The following MTCL1 variants were observed in gnomAD, a reference collection of about 807,000 sequenced individuals.
MTCL1 encodes microtubule crosslinking factor 1, also known as microtubule cross-linking factor 1.
In MTCL1, 79 loss-of-function variants were observed where a neutral mutation model predicts 141.4. The observed-to-expected ratio is 0.56, with a 90% confidence interval of 0.47 to 0.67. The LOEUF is 0.67. MTCL1 is among the 30% of genes least tolerant of loss of function. MTCL1 has a pLI of 0.00. For synonymous variants in MTCL1, 914 were observed against 875.8 expected (o/e 1.04, Z -0.77); for missense variants, 2,177 against 2,113.9 (o/e 1.03, Z -0.59).
At chr18:8,717,788 G>A (rs2096139186) in intron 1 of MTCL1, 3 of 530,030 alleles carry the variant, frequency 5.7e-6, no homozygotes, top group Non-Finnish European at 7.3e-6. Context: ...CTGTATTCAG[G>A]GTGCATTCCT....
At chr18:8,747,438 T>C (rs1263727301) in intron 4 of MTCL1, among the ~76,000 whole-genome samples, 1 of 152,222 alleles carries the variant, frequency 6.6e-6, no homozygotes, top group Admixed American at 6.5e-5. Flanking sequence ...GTTCCATGCC[T>C]GGTGCTTTGC....
Position 8,786,110 on chromosome 18 carries a change from T to TCCCCCGCCC in MTCL1, c.1887+24_1887+25insGCCCCCCCC. Reference sequence around the variant, plus strand: ...CCTGGAGGTCAGCGTGGGCAAGCAATCCCCCCCCCCCGCCCTCCCCCTCCT... The same window carrying TCCCCCGCCC: ...CCTGGAGGTCAGCGTGGGCAAGCAATCCCCCGCCCCCCCCCCCCCCGCCCTCCCCCTCCT... On this transcript the variant is annotated intron_variant, in intron 7 of 16. Coordinates refer to ENST00000359865, the Ensembl canonical transcript of MTCL1. 1 of 1,310,348 alleles carries TCCCCCGCCC rather than the reference T, an allele frequency of 7.6e-7. No individual in the cohort carries two copies. The highest frequency in any genetic ancestry group is 1.3e-5 in the South Asian group (1 of 77,210). The allele number at this position is 1,310,348 out of a possible 1,614,324, so 81.2% of individuals were successfully genotyped here.
chr18:8,789,320 G>T (rs2075636395), intron 7 of MTCL1: 3 of 796,640 alleles, frequency 3.8e-6, no homozygotes, highest in East Asian at 1.3e-4. Flanking sequence ...TGCAAAACTG[G>T]CCAGGACAAA....
intron 4 of MTCL1, among the ~76,000 whole-genome samples, chr18:8,746,212 C>G (rs930364550): frequency 6.6e-6 from 1 of 152,210 alleles, no homozygotes; most frequent in African/African-American, 2.4e-5. Context: ...ATACAAATGT[C>G]TGTTCAAGTC....
At chr18:8,812,797 C>A in intron 11 of MTCL1, 182 bp from the exon 11 acceptor site, 1 of 711,336 alleles carries the variant, frequency 1.4e-6, no homozygotes. Context: ...GCTTAACATT[C>A]TTTGTGACTG....
chr18:8,759,129 T>C (rs1373373550), intron 4 of MTCL1, among the ~76,000 whole-genome samples: 1 of 152,238 alleles, frequency 6.6e-6, no homozygotes, highest in Non-Finnish European at 1.5e-5. Flanking sequence ...AGTCTTCGTG[T>C]GGAAAGACTT....
chr18:8,725,855 T>C (rs935291697), intron 4 of MTCL1, among the ~76,000 whole-genome samples: 25 of 141,074 alleles, frequency 1.8e-4, no homozygotes, highest in Non-Finnish European at 3.6e-4. Context: ...AGTGGCACGA[T>C]CTCGGCTCAC....
exon 11 of MTCL1, chr18:8,806,946 C>A (rs774011471): frequency 1.2e-6 from 2 of 1,613,648 alleles, no homozygotes; most frequent in Non-Finnish European, 1.7e-6. Context: ...TGGAGGACTT[C>A]CGTGCGGAGC....
intron 4 of MTCL1, among the ~76,000 whole-genome samples, chr18:8,742,755 T>C (rs2096311769): frequency 1.3e-5 from 2 of 152,244 alleles, no homozygotes; most frequent in Admixed American, 6.5e-5. Flanking sequence ...TTAGTACTTC[T>C]GAATTTCTTA....
Position 8,800,912 on chromosome 18 carries a change from T to TAGA in MTCL1, c.2436+2622_2436+2623insGAA, listed in dbSNP as rs1555665021. On this transcript the variant is annotated intron_variant, in intron 10 of 16. Transcript: ENST00000359865. ...ATTATCATTTAGTAAAACAACTAAG[T>TAGA]AAAAAAAAAAAAAAGTGTGAAGAAC... is the stretch of plus-strand genomic sequence containing the variant. 4 of 145,862 alleles carry TAGA rather than the reference T, an allele frequency of 2.7e-5. No individual in the cohort carries two copies. The East Asian group carries it at 6.0e-4, about 22-fold the overall frequency. 9.0% of individuals were successfully genotyped at this position (145,862 alleles called of 1,614,324 possible).
intron 6 of MTCL1, 78 bp downstream of exon 5, chr18:8,784,921 C>T (rs934072692): frequency 2.3e-6 from 3 of 1,277,306 alleles, no homozygotes; most frequent in Admixed American, 2.3e-5. Flanking sequence ...CACTCGGGCT[C>T]ACGCTGCTCA....
intron 7 of MTCL1, chr18:8,789,840 G>A (rs1197721004): frequency 2.9e-6 from 1 of 345,594 alleles, no homozygotes; most frequent in African/African-American, 2.2e-5. Context: ...TTCTCCAAAT[G>A]TATGTGGTTG....
intron 10 of MTCL1, among the ~76,000 whole-genome samples, chr18:8,799,165 A>C (rs534375846): frequency 3.2e-4 from 49 of 152,174 alleles, no homozygotes; most frequent in African/African-American, 1.2e-3. Context: ...ACTCTGGGGC[A>C]CTCCCTCTGC....
chr18:8,808,022 A>G (rs1183652490), intron 11 of MTCL1, among the ~76,000 whole-genome samples: 1 of 151,864 alleles, frequency 6.6e-6, no homozygotes, highest in East Asian at 1.9e-4. Flanking sequence ...AAAAAAAAAA[A>G]ACTCCAGCTC....
chr18:8,808,111 G>T (rs914784739), intron 11 of MTCL1, among the ~76,000 whole-genome samples: 4 of 152,198 alleles, frequency 2.6e-5, no homozygotes, highest in Non-Finnish European at 5.9e-5. Flanking sequence ...CCTGGGTGGG[G>T]CAGGGACACA....
intron 9 of MTCL1, among the ~76,000 whole-genome samples, chr18:8,797,685 T>C (rs1055688117): frequency 6.6e-6 from 1 of 152,232 alleles, no homozygotes; most frequent in African/African-American, 2.4e-5. Flanking sequence ...TTCCTCAGAG[T>C]GAAGAAAGTC....
intron 6 of MTCL1, among the ~76,000 whole-genome samples, chr18:8,785,077 T>C (rs2143572115): frequency 6.6e-6 from 1 of 151,640 alleles, no homozygotes; most frequent in East Asian, 2.0e-4. Context: ...CTTTCTCCTG[T>C]CTTATTTTTA....
chr18:8,795,303 A>G (rs1039723504), intron 8 of MTCL1, among the ~76,000 whole-genome samples: 3 of 152,206 alleles, frequency 2.0e-5, no homozygotes, highest in African/African-American at 7.2e-5. Context: ...GGTTTTTGGC[A>G]TAAGAGAGAG....
At chr18:8,821,410 A>T in intron 13 of MTCL1, 57 bp from the exon 13 acceptor site, 3 of 1,122,310 alleles carry the variant, frequency 2.7e-6, no homozygotes, top group Non-Finnish European at 2.7e-6. Flanking sequence ...AAGTACATTC[A>T]GGGCTTCTGG....
Sources: allele counts gnomAD v4.1 joint callset (sites outside exome capture counted in the v4.1 genomes callset), GRCh38; gene constraint gnomAD v4.1.1; transcripts MANE v1.5; gene names NCBI Gene and HGNC (gene_info 2026-07-23, HGNC 2026-07-21).